GRID2: variants seen among roughly 807,000 people sequenced by gnomAD.
GRID2 encodes the protein glutamate receptor ionotropic, delta-2.
Under a neutral mutation model 114.8 loss-of-function variants are expected in GRID2, and 33 were observed. That is an observed-to-expected ratio of 0.29 (90% confidence interval 0.22 to 0.38). GRID2 has a LOEUF of 0.38. Among genes scored for constraint, GRID2 ranks in the 10% least tolerant of loss-of-function variants. GRID2 has a pLI of 1.00. For synonymous variants in GRID2, 505 were observed against 449.9 expected (o/e 1.12, Z -1.55); for missense variants, 1,184 against 1,257.7 (o/e 0.94, Z 0.89).
In GRID2 at chr4:93,021,979, G is replaced by C. The variant is rs139696994; in HGVS notation, c.245-63016G>C. ...TTACATTGGTGCAAACATAATTGCA[G>C]TTTTTGCCATTACTTTCATTGGCAA... is the stretch of plus-strand genomic sequence containing the variant. On this transcript the variant is annotated intron_variant, in intron 2 of 15. Coordinates refer to ENST00000282020, the MANE Select transcript of GRID2 (RefSeq NM_001510.4). Among the ~76,000 whole-genome samples the C allele has an allele frequency of 4.9e-3, 736 of 151,128 alleles. 8 individuals carry two copies. The highest frequency in any genetic ancestry group is 0.017 in the African/African-American group (699 of 41,360).
chr4:93,727,017 A>G (rs1488137752), intron 14 of GRID2, among the ~76,000 whole-genome samples: 3 of 152,108 alleles, frequency 2.0e-5, no homozygotes, highest in Non-Finnish European at 4.4e-5. Flanking sequence ...AACTTCCAAC[A>G]CTATGTTGAA....
At chr4:93,120,990 A>G (rs1487406849) in intron 4 of GRID2, among the ~76,000 whole-genome samples, 3 of 152,050 alleles carry the variant, frequency 2.0e-5, no homozygotes, top group Admixed American at 1.3e-4. Flanking sequence ...TAAATTTAAA[A>G]ACCTAGATGA....
chr4:92,792,891 C>A (rs1055716883), intron 2 of GRID2, among the ~76,000 whole-genome samples: 12 of 137,620 alleles, frequency 8.7e-5, no homozygotes, highest in Non-Finnish European at 1.5e-4. Context: ...CTCATAATAT[C>A]CATTTTTTTT....
At chr4:93,390,865 A>G (rs1227819387) in intron 8 of GRID2, among the ~76,000 whole-genome samples, 2 of 151,948 alleles carry the variant, frequency 1.3e-5, no homozygotes, top group Admixed American at 6.6e-5. Flanking sequence ...ATGTGTGTGT[A>G]TATATATGCT....
chr4:92,456,752 T>C (rs1350901558), intron 1 of GRID2, among the ~76,000 whole-genome samples: 2 of 152,150 alleles, frequency 1.3e-5, no homozygotes, highest in Non-Finnish European at 2.9e-5. Context: ...TGTATATTAG[T>C]AGGGAACACA....
intron 14 of GRID2, among the ~76,000 whole-genome samples, chr4:93,632,890 T>C (rs1183276865): frequency 8.5e-5 from 13 of 152,114 alleles, no homozygotes; most frequent in African/African-American, 2.7e-4. Context: ...TCTTTTATTT[T>C]GTTGAGCAGT....
chr4:93,721,405 A>C (rs1016563952), intron 14 of GRID2, among the ~76,000 whole-genome samples: 1 of 152,194 alleles, frequency 6.6e-6, no homozygotes, highest in East Asian at 1.9e-4. Context: ...TGTGTGCAGG[A>C]AGAATTTTTA....
intron 8 of GRID2, among the ~76,000 whole-genome samples, chr4:93,346,670 C>T (rs975940291): frequency 6.6e-6 from 1 of 152,062 alleles, no homozygotes; most frequent in Non-Finnish European, 1.5e-5. Context: ...AAATATCTTT[C>T]CTGGCTCATT....
At chr4:92,346,343 CATATT>C (rs1727759516) in intron 1 of GRID2, among the ~76,000 whole-genome samples, 1 of 152,068 alleles carries the variant, frequency 6.6e-6, no homozygotes, top group East Asian at 1.9e-4. Context: ...TAATTTGACT[CATATT>C]TTATTTTCTG....
At chr4:93,431,446 G>C (rs183384946) in intron 10 of GRID2, among the ~76,000 whole-genome samples, 29 of 152,194 alleles carry the variant, frequency 1.9e-4, no homozygotes, top group Non-Finnish European at 1.9e-4. Context: ...AAATAAGAAA[G>C]TTTCAAAAAA....
At chr4:93,322,418 T>A (rs968813502) in intron 8 of GRID2, among the ~76,000 whole-genome samples, 2 of 152,206 alleles carry the variant, frequency 1.3e-5, no homozygotes, top group Non-Finnish European at 2.9e-5. Flanking sequence ...GGTGTATATG[T>A]GCCACATTTT....
intron 14 of GRID2, among the ~76,000 whole-genome samples, chr4:93,735,838 C>A (rs909161436): frequency 2.6e-5 from 4 of 151,952 alleles, no homozygotes; most frequent in African/African-American, 9.7e-5. Context: ...GGAAATTTTT[C>A]TTTTTCTGTT....
At position 93,490,455 on chromosome 4, in the gene GRID2, G is replaced by C. The variant is rs2870710; in HGVS notation, c.1859-184G>C. On this transcript the variant is annotated intron_variant, in intron 11 of 15. Transcript: ENST00000282020. The stretch of plus-strand genomic sequence containing the variant: ...ATATTTATCATGCTTCTTTTGGCTG[G>C]GTCTTTCATAATCTCATAAAAGAGA... 0.83 allele frequency among the ~76,000 whole-genome samples: 126,032 copies of C among 151,768 alleles called. 52,827 individuals are homozygous for C. Among genetic ancestry groups the C allele is most frequent in the African/African-American group, 0.94 (39,009 of 41,478 alleles).
chr4:92,920,000 C>T (rs1443756926), intron 2 of GRID2, among the ~76,000 whole-genome samples: 1 of 151,996 alleles, frequency 6.6e-6, no homozygotes, highest in Non-Finnish European at 1.5e-5. Flanking sequence ...CTTTGTAGGT[C>T]CAAGGACTTG....
chr4:93,011,458 G>A (rs1722131245), intron 2 of GRID2, among the ~76,000 whole-genome samples: 1 of 151,898 alleles, frequency 6.6e-6, no homozygotes, highest in Admixed American at 6.6e-5. Flanking sequence ...GTCTGAAATT[G>A]GTAAAGTTCT....
At chr4:92,779,186 A>ATGTATG (rs71579577) in intron 2 of GRID2, among the ~76,000 whole-genome samples, 1 of 147,262 alleles carries the variant, frequency 6.8e-6, no homozygotes, top group African/African-American at 2.6e-5. Flanking sequence ...TAGTAAGTAA[A>ATGTATG]TGTGTGTGTG....
chr4:93,786,531 A>AT (rs535166609), intron 1 of GRID2, among the ~76,000 whole-genome samples: 39 of 152,168 alleles, frequency 2.6e-4, no homozygotes, highest in Non-Finnish European at 4.0e-4. Context: ...GAAGAGAGAC[A>AT]TTTTTTTTGT....
In GRID2 at chr4:93,490,688, T is replaced by G; in HGVS notation, c.1908T>G (p.Ala636=). The G allele has an allele frequency of 2.5e-6, 4 of 1,610,454 alleles. No individual in the cohort carries two copies. The highest frequency in any genetic ancestry group is 3.4e-6 in the Non-Finnish European group (4 of 1,177,202). Residue 636 remains alanine, a synonymous_variant, in exon 12 of 16, where the codon GCT becomes GCG. Transcript: ENST00000282020. ...TGGCTACCCGAATGATGATGGGGGC[T>G]TGGTGGCTATTTGCTTTGATTGTTA... ...TTLATRMMMG[A]WWLFALIVIS...
rs868432258 is a variant in GRID2 at position 92,940,160 on chromosome 4, T to A, written c.245-144835T>A. ...GAAACTATAAATTACCTTGAGCAGT[T>A]TGGCCATTTTCACAATATTGATTCT... On this transcript the variant is annotated intron_variant, in intron 2 of 15. Coordinates refer to ENST00000282020, the MANE Select transcript of GRID2 (RefSeq NM_001510.4). Among the ~76,000 whole-genome samples, 3 of 146,878 alleles carry A rather than the reference T, an allele frequency of 2.0e-5. 1 individual carries two copies. Among genetic ancestry groups the A allele is most frequent in the Non-Finnish European group, 3.0e-5 (2 of 66,348 alleles).
Sources: allele counts gnomAD v4.1 joint callset (sites outside exome capture counted in the v4.1 genomes callset), GRCh38; gene constraint gnomAD v4.1.1; transcripts MANE v1.5; gene names NCBI Gene and HGNC (gene_info 2026-07-23, HGNC 2026-07-21).